The following DPH6 variants were observed in gnomAD, a reference collection of about 807,000 sequenced individuals.
The protein encoded by DPH6 is diphthine--ammonia ligase.
A neutral mutation model predicts 38.2 loss-of-function variants in DPH6; 33 were observed. The observed-to-expected ratio is 0.86, with a 90% CI of 0.65 to 1.15. The LOEUF is 1.15. Ranked by LOEUF, DPH6 falls within the 50% of genes most tolerant of loss-of-function variation. DPH6 has a pLI of 0.00. For synonymous variants in DPH6, 108 were observed against 103.0 expected (o/e 1.05, Z -0.30); for missense variants, 325 against 320.0 (o/e 1.02, Z -0.12).
the DPH6 span, among the ~76,000 whole-genome samples, chr15:35,210,375 T>G: frequency 6.6e-6 from 1 of 152,150 alleles, no homozygotes; most frequent in African/African-American, 2.4e-5. Context: ...ATGTAGCAAT[T>G]TATTATTATA....
intron 3 of DPH6, among the ~76,000 whole-genome samples, chr15:35,498,943 TAAAAAAA>T (rs61542040): frequency 1.9e-4 from 21 of 108,440 alleles, no homozygotes; most frequent in Admixed American, 1.6e-3. Context: ...CCTCATCTCT[TAAAAAAA>T]AAAAAAAAAA....
At chr15:35,165,757 G>A in the DPH6 span, among the ~76,000 whole-genome samples, 2 of 151,866 alleles carry the variant, frequency 1.3e-5, no homozygotes, top group African/African-American at 2.4e-5. Flanking sequence ...TTAGAAGACC[G>A]AAGTCTACTT....
At chr15:35,451,554 T>C (rs1236424273) in intron 4 of DPH6, among the ~76,000 whole-genome samples, 1 of 152,160 alleles carries the variant, frequency 6.6e-6, no homozygotes, top group African/African-American at 2.4e-5. Flanking sequence ...CCACATCCAA[T>C]CTACCACAAT....
downstream of DPH6, among the ~76,000 whole-genome samples, chr15:35,215,274 C>T (rs1420441317): frequency 1.3e-5 from 2 of 152,188 alleles, no homozygotes; most frequent in African/African-American, 4.8e-5. Context: ...AATTTATGAA[C>T]AGATGATTGT....
intron 5 of DPH6, among the ~76,000 whole-genome samples, chr15:35,448,956 CT>C (rs1186364014): frequency 2.0e-5 from 3 of 150,234 alleles, no homozygotes; most frequent in Non-Finnish European, 4.4e-5. Context: ...ACTGATCCCT[CT>C]CCCCCACAGA....
intron 3 of DPH6, among the ~76,000 whole-genome samples, chr15:35,307,305 T>TACCC (rs889486277): frequency 2.1e-4 from 32 of 152,282 alleles, no homozygotes; most frequent in Admixed American, 1.8e-3. Context: ...CACCTCAATC[T>TACCC]ACCCACAAAG....
intron 3 of DPH6, among the ~76,000 whole-genome samples, chr15:35,233,280 G>C (rs939676309): frequency 1.3e-5 from 2 of 152,174 alleles, no homozygotes; most frequent in African/African-American, 4.8e-5. Context: ...TTGCACTCCA[G>C]CCTAGGCAAC....
the DPH6 span, among the ~76,000 whole-genome samples, chr15:35,197,189 T>C: frequency 6.6e-6 from 1 of 152,228 alleles, no homozygotes; most frequent in African/African-American, 2.4e-5. Flanking sequence ...TATTGCTGTC[T>C]ACTGTTGAAA....
At chr15:35,441,496 T>G (rs1195529164) in intron 5 of DPH6, among the ~76,000 whole-genome samples, 1 of 152,226 alleles carries the variant, frequency 6.6e-6, no homozygotes, top group Non-Finnish European at 1.5e-5. Flanking sequence ...AAGGATGAGT[T>G]CGTCGCCTTT....
the DPH6 span, among the ~76,000 whole-genome samples, chr15:35,157,257 C>A: frequency 5.3e-5 from 8 of 151,982 alleles, no homozygotes; most frequent in African/African-American, 1.9e-4. Flanking sequence ...AAGTTGTTTC[C>A]CAAAAATATA....
At chr15:35,216,592 T>A (rs2051411778), downstream of DPH6, among the ~76,000 whole-genome samples, 1 of 152,248 alleles carries the variant, frequency 6.6e-6, no homozygotes, top group Non-Finnish European at 1.5e-5. Context: ...CAGTTACATG[T>A]AGCATAAAAC....
intron 3 of DPH6, among the ~76,000 whole-genome samples, chr15:35,359,905 AT>A (rs1425229757): frequency 1.6e-4 from 24 of 151,516 alleles, no homozygotes; most frequent in African/African-American, 5.8e-4. Flanking sequence ...CATTTTATTC[AT>A]GTATTGTCTT....
At chr15:35,494,610 A>C (rs1235340902) in intron 3 of DPH6, among the ~76,000 whole-genome samples, 1 of 152,098 alleles carries the variant, frequency 6.6e-6, no homozygotes, top group Admixed American at 6.6e-5. Flanking sequence ...CATTCCTTTC[A>C]AATTTCATAG....
intron 3 of DPH6, among the ~76,000 whole-genome samples, chr15:35,294,148 A>G (rs567283596): frequency 6.6e-6 from 1 of 152,202 alleles, no homozygotes; most frequent in East Asian, 1.9e-4. Flanking sequence ...CCTGCTTCGA[A>G]AATGCTGTAA....
intron 3 of DPH6, chr15:35,521,235 G>A: frequency 1.0e-6 from 1 of 985,678 alleles, no homozygotes; most frequent in Non-Finnish European, 1.2e-6. Flanking sequence ...CTAAGGCAAG[G>A]CAGTTCTAGT....
At chr15:35,233,746 C>T (rs1407661540) in intron 3 of DPH6, among the ~76,000 whole-genome samples, 1 of 152,182 alleles carries the variant, frequency 6.6e-6, no homozygotes, top group Non-Finnish European at 1.5e-5. Context: ...CCCCTCATCA[C>T]TCTCCACACT....
At position 35,436,500 on chromosome 15, in the gene DPH6, A is replaced by AAACAAAC. The variant is rs772648808; in HGVS notation, c.505+14184_505+14185insGTTTGTT. On this transcript the variant is annotated intron_variant, in intron 5 of 8. Coordinates refer to ENST00000256538, the MANE Select transcript of DPH6 (RefSeq NM_080650.4). ...AAACAAAAACAAAACAAAACAAAAC[A>AAACAAAC]AAACAAAACAAAACAAAAAAGGTTC... Among the ~76,000 whole-genome samples the AAACAAAC allele has an allele frequency of 1.7e-3, 103 of 60,570 alleles. 3 individuals carry two copies. The highest frequency in any genetic ancestry group is 7.4e-3 in the East Asian group (12 of 1,616). The allele number at this position is 60,570 out of a possible 152,430, so 39.7% of individuals were successfully genotyped here.
At chr15:35,449,647 T>C (rs1379173932) in intron 5 of DPH6, among the ~76,000 whole-genome samples, 2 of 94,364 alleles carry the variant, frequency 2.1e-5, no homozygotes, top group Admixed American at 1.3e-4. Context: ...TATAATAACG[T>C]TAATCATGAG....
intron 3 of DPH6, among the ~76,000 whole-genome samples, chr15:35,333,878 T>C (rs1273848625): frequency 2.0e-5 from 3 of 152,172 alleles, no homozygotes; most frequent in Non-Finnish European, 4.4e-5. Context: ...TCAACCTAAA[T>C]GCCCATTAGT....
Sources: gnomAD v4.1 joint callset for allele counts (sites outside exome capture counted in the v4.1 genomes callset) on GRCh38, gnomAD v4.1.1 for gene constraint, MANE v1.5 for transcripts, NCBI Gene and HGNC (gene_info 2026-07-23, HGNC 2026-07-21) for gene names.